Variants in PHF14 observed in about 807,000 individuals in gnomAD.
The protein encoded by PHF14 is PHD finger protein 14.
PHF14 carries 55 observed loss-of-function variants against 117.9 expected under a neutral mutation model. That is an observed-to-expected ratio of 0.47 (90% CI 0.38 to 0.58). The LOEUF (loss-of-function observed/expected upper bound fraction) is 0.58. Among genes scored for constraint, PHF14 ranks in the 20% least tolerant of loss-of-function variants. The probability of loss-of-function intolerance (pLI) is 0.00; values close to 1 mark genes in which losing one functional copy is unlikely to be tolerated. For synonymous variants in PHF14, 409 were observed against 368.6 expected (o/e 1.11, Z -1.26); for missense variants, 978 against 1,122.2 (o/e 0.87, Z 1.84).
chr7:11,111,529 T>C (rs1787446993), intron 17 of PHF14, 62 bp downstream of exon 17: 1 of 779,110 alleles, frequency 1.3e-6, no homozygotes, highest in Admixed American at 2.2e-5. Flanking sequence ...CTTTCCCATG[T>C]CACACAATTA....
At chr7:11,068,075 G>A (rs1785482379) in intron 16 of PHF14, among the ~76,000 whole-genome samples, 1 of 152,118 alleles carries the variant, frequency 6.6e-6, no homozygotes, top group African/African-American at 2.4e-5. Flanking sequence ...TCTGGGCCGG[G>A]TGCGGTGGCT....
At chr7:11,021,518 G>A (rs1005176034) in intron 5 of PHF14, among the ~76,000 whole-genome samples, 2 of 152,134 alleles carry the variant, frequency 1.3e-5, no homozygotes, top group Non-Finnish European at 2.9e-5. Flanking sequence ...ACATTGAAAT[G>A]GCAGTTTAAA....
chr7:11,159,209 A>G (rs190398989), intron 17 of PHF14, among the ~76,000 whole-genome samples: 354 of 152,120 alleles, frequency 2.3e-3, no homozygotes, highest in African/African-American at 8.1e-3. Context: ...TTTATTCTAA[A>G]GTGATGTTAA....
intron 16 of PHF14, among the ~76,000 whole-genome samples, chr7:11,095,645 G>A (rs1478943289): frequency 2.6e-5 from 4 of 152,074 alleles, no homozygotes; most frequent in Non-Finnish European, 5.9e-5. Flanking sequence ...TGTTTTTTCA[G>A]TGGATTTTAA....
At chr7:11,113,414 A>C (rs1787506619) in intron 17 of PHF14, among the ~76,000 whole-genome samples, 1 of 152,138 alleles carries the variant, frequency 6.6e-6, no homozygotes, top group Non-Finnish European at 1.5e-5. Context: ...AGGAAGGCAC[A>C]TTGTTAGAAA....
At chr7:11,111,072 GTTCA>G (rs774032075) in intron 16 of PHF14, 86 of 259,326 alleles carry the variant, frequency 3.3e-4, no homozygotes, top group Non-Finnish European at 5.1e-4. Context: ...ATACATATAC[GTTCA>G]TTCATATGCT....
rs539628921 is a variant in PHF14, at chr7:11,066,946, G to T, written c.2654+4861G>T. Among the ~76,000 whole-genome samples, 39 of 152,260 alleles carry T rather than the reference G, an allele frequency of 2.6e-4. 1 individual carries two copies. Among genetic ancestry groups the T allele is most frequent in the African/African-American group, 9.4e-4 (39 of 41,566 alleles). On this transcript the variant is annotated intron_variant, in intron 16 of 17. Transcript: ENST00000634607. ...AACACCAAAAGCATAGGTAATAACA[G>T]CAACAAAAAATTAGCTAAGTTGGAC...
intron 5 of PHF14, among the ~76,000 whole-genome samples, chr7:11,020,063 A>G (rs1395459542): frequency 2.0e-5 from 3 of 151,572 alleles, no homozygotes; most frequent in Non-Finnish European, 4.4e-5. Context: ...AGAAGGCAGC[A>G]TTGAAATCTT....
At chr7:10,981,960 GT>G (rs1782057592) in intron 2 of PHF14, among the ~76,000 whole-genome samples, 1 of 152,126 alleles carries the variant, frequency 6.6e-6, no homozygotes, top group African/African-American at 2.4e-5. Flanking sequence ...AGTCCATATA[GT>G]TTATAAAAGA....
At chr7:11,107,005 T>G in intron 16 of PHF14, 9 of 983,512 alleles carry the variant, frequency 9.2e-6, no homozygotes, top group Non-Finnish European at 1.1e-5. Context: ...GGATTTTGCT[T>G]CTTTCTAAAG....
chr7:11,129,545 T>C (rs1382052450), intron 17 of PHF14, among the ~76,000 whole-genome samples: 1 of 118,466 alleles, frequency 8.4e-6, no homozygotes, highest in Non-Finnish European at 1.7e-5. Context: ...TGTGTGTATG[T>C]TTCTTTTTTT....
intron 16 of PHF14, among the ~76,000 whole-genome samples, chr7:11,092,687 T>C (rs986918788): frequency 2.0e-5 from 3 of 152,192 alleles, no homozygotes; most frequent in Admixed American, 6.5e-5. Context: ...GAATTGCCTT[T>C]TTGAAGTCTC....
At chr7:11,076,512 G>C (rs1785855279) in intron 16 of PHF14, among the ~76,000 whole-genome samples, 1 of 150,378 alleles carries the variant, frequency 6.6e-6, no homozygotes, top group South Asian at 2.1e-4. Context: ...CCATCGCACA[G>C]ATTGGGAACT....
chr7:11,008,141 G>A (rs1783191451), intron 4 of PHF14, among the ~76,000 whole-genome samples: 5 of 152,152 alleles, frequency 3.3e-5, no homozygotes. Context: ...TTGCCCTCAG[G>A]TTTAGTTGCT....
intron 16 of PHF14, among the ~76,000 whole-genome samples, chr7:11,089,164 A>G (rs1786544068): frequency 6.6e-6 from 1 of 152,138 alleles, no homozygotes; most frequent in Non-Finnish European, 1.5e-5. Flanking sequence ...ACCTTTTATC[A>G]GGAGCAACCA....
intron 17 of PHF14, among the ~76,000 whole-genome samples, chr7:11,148,522 A>T (rs1327125011): frequency 2.0e-5 from 3 of 152,136 alleles, no homozygotes; most frequent in African/African-American, 7.2e-5. Context: ...GCCTAAGAGA[A>T]CATGTGCTCC....
intron 16 of PHF14, chr7:11,106,574 C>G: frequency 1.0e-6 from 1 of 983,866 alleles, no homozygotes; most frequent in Non-Finnish European, 1.2e-6. Flanking sequence ...TGATTTAACT[C>G]ATTGACCACA....
At chr7:11,039,198 C>A (rs764107545) in intron 11 of PHF14, among the ~76,000 whole-genome samples, 1 of 151,944 alleles carries the variant, frequency 6.6e-6, no homozygotes, top group Non-Finnish European at 1.5e-5. Flanking sequence ...GTTTTAGATT[C>A]CCTGCCACAT....
At chr7:11,013,549 A>G (rs1783426082) in intron 4 of PHF14, among the ~76,000 whole-genome samples, 198 bp from the exon 5 acceptor site, 1 of 152,106 alleles carries the variant, frequency 6.6e-6, no homozygotes, top group South Asian at 2.1e-4. Context: ...TTAAAATGTC[A>G]TTTATTTCAT....
Sources: allele counts gnomAD v4.1 joint callset (sites outside exome capture counted in the v4.1 genomes callset), GRCh38; gene constraint gnomAD v4.1.1; transcripts MANE v1.5; gene names NCBI Gene and HGNC (gene_info 2026-07-23, HGNC 2026-07-21).